The following DOCK10 variants were observed in gnomAD, a reference collection of about 807,000 sequenced individuals.
DOCK10 encodes dedicator of cytokinesis 10.
A neutral mutation model predicts 280.1 loss-of-function variants in DOCK10; 145 were observed. The ratio of observed to expected loss-of-function variants is 0.52; its 90% CI spans 0.45 to 0.59. The LOEUF (loss-of-function observed/expected upper bound fraction) is 0.59. Among genes scored for constraint, DOCK10 ranks in the 20% least tolerant of loss-of-function variants. DOCK10 has a pLI of 0.00. For synonymous variants in DOCK10, 915 were observed against 942.2 expected (o/e 0.97, Z 0.53); for missense variants, 2,368 against 2,651.7 (o/e 0.89, Z 2.35).
intron 2 of DOCK10, among the ~76,000 whole-genome samples, chr2:224,917,676 A>G (rs915667711): frequency 6.6e-6 from 1 of 152,214 alleles, no homozygotes; most frequent in Non-Finnish European, 1.5e-5. Context: ...ATGCTAAATA[A>G]ACAATATTCT....
intron 31 of DOCK10, among the ~76,000 whole-genome samples, chr2:224,811,585 C>G (rs369336087): frequency 6.6e-6 from 1 of 152,150 alleles, no homozygotes; most frequent in South Asian, 2.1e-4. Flanking sequence ...AATGGTAATG[C>G]CTAGGTTTTC....
chr2:224,790,096 T>C (rs565192947), intron 47 of DOCK10, among the ~76,000 whole-genome samples: 14 of 152,328 alleles, frequency 9.2e-5, no homozygotes, highest in African/African-American at 3.1e-4. Context: ...TTGCTATATT[T>C]CACTCTTTTA....
Position 224,921,106 on chromosome 2 carries a change from AAAAAAAATAT to A in DOCK10, c.244-4332_244-4323del, listed in dbSNP as rs1455629694. On this transcript the variant is annotated intron_variant, in intron 2 of 55. Transcript: ENST00000258390. ...ACCGTCTCTATTAAAAAAAAAAAAA[AAAAAAAATAT>A]ATATATATATATATATATAATGTAT... 1.0e-4 allele frequency among the ~76,000 whole-genome samples: 6 copies of A among 57,836 alleles called. 1 individual carries two copies. Among genetic ancestry groups the A allele is most frequent in the African/African-American group, 5.8e-4 (6 of 10,364 alleles). 37.9% of individuals were successfully genotyped at this position (57,836 alleles called of 152,430 possible). A position where few individuals can be genotyped will look rare whatever the true frequency, so the allele number is the denominator to read the frequency against.
In DOCK10 at chr2:224,797,904, G is replaced by T. The variant is rs773207792; in HGVS notation, c.4572C>A (p.Leu1524=). ...LMKRVFDTYM[L]FFQVNQSATA... is the part of the protein sequence containing the mutation. ...TGGCTGACTGATTGACTTGGAAAAA[G>T]AGCATGTAGGTATCAAAGACCCTTT... Residue 1524 remains leucine, a synonymous_variant, in exon 42 of 56, where the codon CTC becomes CTA. Coordinates refer to ENST00000258390, the MANE Select transcript of DOCK10 (RefSeq NM_014689.3). 4 of 1,613,882 alleles carry T rather than the reference G, an allele frequency of 2.5e-6. No homozygotes were observed. The South Asian group carries it at 4.4e-5, about 18-fold the overall frequency.
chr2:224,853,443 T>G (rs998468923), intron 16 of DOCK10, among the ~76,000 whole-genome samples: 2 of 152,224 alleles, frequency 1.3e-5, no homozygotes, highest in African/African-American at 4.8e-5. Flanking sequence ...AGCCAGATAT[T>G]ATAAGAAATA....
At chr2:224,871,887 G>T (rs561839722) in intron 11 of DOCK10, among the ~76,000 whole-genome samples, 1 of 152,060 alleles carries the variant, frequency 6.6e-6, no homozygotes, top group Non-Finnish European at 1.5e-5. Context: ...CACTTAAATT[G>T]TGAGTTTTCT....
In DOCK10 at chr2:224,778,062, T is replaced by A. The variant is rs1365641019; in HGVS notation, c.5802+76A>T. The A allele has an allele frequency of 4.2e-6, 6 of 1,422,734 alleles. No individual in the cohort carries two copies. In the South Asian group the frequency reaches 7.9e-5, roughly 19 times the overall value. 88.1% of individuals were successfully genotyped at this position (1,422,734 alleles called of 1,614,324 possible). The stretch of plus-strand genomic sequence containing the variant: ...TTACTTTGCATCGTCAGGCAGAAAA[T>A]GAAAACTTAATGTAGTTAAAGAATA... On this transcript the variant is annotated intron_variant, in intron 51 of 55. Coordinates refer to ENST00000258390, the MANE Select transcript of DOCK10 (RefSeq NM_014689.3).
intron 4 of DOCK10, among the ~76,000 whole-genome samples, chr2:224,890,257 T>A (rs1472675990): frequency 1.3e-5 from 2 of 152,198 alleles, no homozygotes; most frequent in African/African-American, 4.8e-5. Flanking sequence ...TAACTGTGGA[T>A]CACAATACAG....
intron 3 of DOCK10, among the ~76,000 whole-genome samples, chr2:224,904,542 A>G (rs11901561): frequency 0.14 from 21,608 of 152,160 alleles, 4,219 homozygotes; most frequent in African/African-American, 0.45. Flanking sequence ...GAAACTCCAC[A>G]CTAACTGTGC....
At chr2:224,850,989 G>A (rs16866224) in intron 18 of DOCK10, among the ~76,000 whole-genome samples, 14,811 of 152,120 alleles carry the variant, frequency 0.097, 957 homozygotes, top group Middle Eastern at 0.18. Flanking sequence ...AACCAGCTCT[G>A]GTCTAGAGTT....
chr2:224,835,251 G>A (rs1695519086), intron 25 of DOCK10, among the ~76,000 whole-genome samples: 2 of 152,316 alleles, frequency 1.3e-5, no homozygotes, highest in South Asian at 4.1e-4. Flanking sequence ...CCTCAGATGT[G>A]AGTAACGTCA....
chr2:225,033,750 A>G (rs72976586), intron 1 of DOCK10, among the ~76,000 whole-genome samples: 5,262 of 152,302 alleles, frequency 0.035, 131 homozygotes, highest in Middle Eastern at 0.058. Flanking sequence ...ATAAAGAACC[A>G]TCAACCTTCT....
intron 44 of DOCK10, among the ~76,000 whole-genome samples, chr2:224,796,046 A>AATTATTATT (rs373877633): frequency 1.1e-4 from 17 of 150,370 alleles, no homozygotes; most frequent in African/African-American, 3.2e-4. Flanking sequence ...CAAAATAAAC[A>AATTATTATT]ATTATTATTA....
intron 23 of DOCK10, chr2:224,840,318 A>T (rs2125456782): frequency 6.5e-6 from 2 of 308,170 alleles, no homozygotes; most frequent in Non-Finnish European, 1.2e-5. Context: ...TAAAGAGACA[A>T]CTTTACTCCA....
Position 224,823,268 on chromosome 2 carries a change from A to C in DOCK10, c.3183+233T>G, listed in dbSNP as rs542640450. 2.6e-5 allele frequency among the ~76,000 whole-genome samples: 4 copies of C among 152,250 alleles called. No homozygotes were observed. The South Asian group carries it at 8.3e-4, about 32-fold the overall frequency. On this transcript the variant is annotated intron_variant, in intron 28 of 55. Transcript: ENST00000258390. ...CCCAAAGTGCTGGGATTACAAGCAT[A>C]AGCCATCGCGCCCGGCCTTCTAACC...
chr2:224,862,978 T>C (rs1697622604), intron 13 of DOCK10, among the ~76,000 whole-genome samples: 1 of 152,222 alleles, frequency 6.6e-6, no homozygotes, highest in Non-Finnish European at 1.5e-5. Flanking sequence ...TAGAAAATAA[T>C]CCATGTCTTG....
intron 2 of DOCK10, among the ~76,000 whole-genome samples, chr2:224,930,984 T>C (rs1415157870): frequency 6.6e-6 from 1 of 152,224 alleles, no homozygotes; most frequent in Non-Finnish European, 1.5e-5. Context: ...TTATCTCTAC[T>C]ATCCTCAGAG....
At position 224,870,499 on chromosome 2, in the gene DOCK10, A is replaced by G. The variant is rs370820860; in HGVS notation, c.1257+3497T>C. On this transcript the variant is annotated intron_variant, in intron 11 of 55. Transcript: ENST00000258390. ...GGAGCTGCTCTTGCCATAGTCATCA[A>G]CATCCTCCACTTTGCCATGTCTACC... is the stretch of plus-strand genomic sequence containing the variant. Among the ~76,000 whole-genome samples, 22 of 152,292 alleles carry G rather than the reference A, an allele frequency of 1.4e-4. 1 individual carries two copies. The highest frequency in any genetic ancestry group is 5.1e-4 in the African/African-American group (21 of 41,552).
chr2:224,853,898 C>A (rs966226198), intron 16 of DOCK10, among the ~76,000 whole-genome samples: 2 of 152,140 alleles, frequency 1.3e-5, no homozygotes, highest in Admixed American at 1.3e-4. Context: ...TTTTCAAAAA[C>A]CAATTATGAT....
Sources: allele counts gnomAD v4.1 joint callset (sites outside exome capture counted in the v4.1 genomes callset), GRCh38; gene constraint gnomAD v4.1.1; transcripts MANE v1.5; gene names NCBI Gene and HGNC (gene_info 2026-07-23, HGNC 2026-07-21).